Variants in PCCA observed in about 807,000 individuals in gnomAD.
PCCA encodes propionyl-CoA carboxylase subunit alpha.
A neutral mutation model predicts 101.3 loss-of-function variants in PCCA; 74 were observed. The observed-to-expected ratio is 0.73, with a 90% CI of 0.61 to 0.89. PCCA has a LOEUF of 0.89. PCCA is among the 40% of genes least tolerant of loss of function. The pLI is 0.00. For synonymous variants in PCCA, 294 were observed against 313.6 expected (o/e 0.94, Z 0.66); for missense variants, 891 against 907.0 (o/e 0.98, Z 0.23).
At chr13:100,513,879 A>G (rs1156907295) in intron 21 of PCCA, among the ~76,000 whole-genome samples, 2 of 152,120 alleles carry the variant, frequency 1.3e-5, no homozygotes, top group Non-Finnish European at 2.9e-5. Context: ...GTGATGTTGG[A>G]TTTTTTCCCC....
intron 18 of PCCA, among the ~76,000 whole-genome samples, chr13:100,348,780 C>CT (rs1476698618): frequency 6.5e-5 from 4 of 61,516 alleles, no homozygotes; most frequent in African/African-American, 1.9e-4. Flanking sequence ...TTCTTTCTTT[C>CT]TTTCTTTCTT....
chr13:100,268,662 G>A lies in PCCA; in HGVS notation c.820-27G>A, dbSNP rs764087690. 2.6e-6 allele frequency: 4 copies of A among 1,535,200 alleles called. No individual in the cohort carries two copies. In the South Asian group the frequency reaches 3.4e-5, roughly 13 times the overall value. Reference sequence around the variant, plus strand: ...TCTACTTTGTGGGTGTGGTTATATGGTTTTTCAAATGGTATTGCTCTTTCA... The same window carrying A: ...TCTACTTTGTGGGTGTGGTTATATGATTTTTCAAATGGTATTGCTCTTTCA... On this transcript the variant is annotated intron_variant, in intron 10 of 23. Coordinates refer to ENST00000376285, the MANE Select transcript of PCCA (RefSeq NM_000282.4).
chr13:100,441,228 A>G (rs1047031733), intron 20 of PCCA, among the ~76,000 whole-genome samples: 16 of 152,350 alleles, frequency 1.1e-4, no homozygotes, highest in Admixed American at 3.3e-4. Context: ...TTTGAGTAGT[A>G]TAAACACTGA....
intron 20 of PCCA, among the ~76,000 whole-genome samples, chr13:100,435,192 T>A (rs576873962): frequency 6.6e-6 from 1 of 152,186 alleles, no homozygotes; most frequent in Non-Finnish European, 1.5e-5. Flanking sequence ...CTGCTCAGCT[T>A]CTGGGGAGGG....
At chr13:100,445,800 G>A (rs1391982441) in intron 20 of PCCA, among the ~76,000 whole-genome samples, 1 of 152,036 alleles carries the variant, frequency 6.6e-6, no homozygotes, top group Non-Finnish European at 1.5e-5. Flanking sequence ...CACATTCTCT[G>A]TATCCGTTGG....
chr13:100,152,839 G>T (rs942677884), intron 4 of PCCA, among the ~76,000 whole-genome samples: 1 of 151,958 alleles, frequency 6.6e-6, no homozygotes, highest in African/African-American at 2.4e-5. Context: ...TTATATATGC[G>T]GTATCATTAC....
At chr13:100,301,417 AC>A (rs778289164) in intron 12 of PCCA, 42 bp from the exon 13 acceptor site, 30 of 1,609,496 alleles carry the variant, frequency 1.9e-5, no homozygotes, top group Non-Finnish European at 2.4e-5. Context: ...CTATTTATTT[AC>A]CCTTTTCTAC....
intron 20 of PCCA, among the ~76,000 whole-genome samples, chr13:100,435,624 A>G (rs2152907287): frequency 6.6e-6 from 1 of 152,314 alleles, no homozygotes; most frequent in South Asian, 2.1e-4. Flanking sequence ...GTATACTGTC[A>G]CTGGTAGAGG....
Position 100,394,306 on chromosome 13 carries a change from T to C in PCCA, c.1746+25732T>C, listed in dbSNP as rs1172979504. On this transcript the variant is annotated intron_variant, in intron 19 of 23. Transcript: ENST00000376285. The surrounding 1 kb of genome is among the most constrained non-coding windows in gnomAD (Gnocchi z 4.3). ...GGTTCTATGTTGTACTGCTTTTTGA[T>C]GTTGGTTTCCCTTTAACTGAGAAGA... is the stretch of plus-strand genomic sequence containing the variant. Among the ~76,000 whole-genome samples, 2 of 152,198 alleles carry C rather than the reference T, an allele frequency of 1.3e-5. No homozygotes were observed. The highest frequency in any genetic ancestry group is 2.4e-5 in the African/African-American group (1 of 41,448).
At chr13:100,133,042 C>G (rs2105130) in intron 4 of PCCA, among the ~76,000 whole-genome samples, 141,020 of 152,230 alleles carry the variant, frequency 0.93, 65,438 homozygotes, top group East Asian at 0.99. Flanking sequence ...GCCTCCCAAA[C>G]TGCTAGGATT....
At chr13:100,472,523 G>GGGGGCACACCCCTCCATGC (rs2083098665) in intron 21 of PCCA, among the ~76,000 whole-genome samples, 1 of 152,194 alleles carries the variant, frequency 6.6e-6, no homozygotes, top group African/African-American at 2.4e-5. Context: ...CCTAAGAGAA[G>GGGGGCACACCCCTCCATGC]GGGGCACACC....
At chr13:100,438,538 T>G (rs2080109208) in intron 20 of PCCA, among the ~76,000 whole-genome samples, 1 of 152,146 alleles carries the variant, frequency 6.6e-6, no homozygotes, top group Admixed American at 6.6e-5. Flanking sequence ...AAAGCAGCCT[T>G]GATCTTACCA....
chr13:100,287,786 T>C (rs1396411858), intron 12 of PCCA, among the ~76,000 whole-genome samples: 9 of 146,618 alleles, frequency 6.1e-5, no homozygotes, highest in African/African-American at 2.3e-4. Context: ...GTGAGTTCTT[T>C]ATTTTGATTT....
At chr13:100,368,885 A>G (rs1228184549) in intron 19 of PCCA, among the ~76,000 whole-genome samples, 29 of 152,220 alleles carry the variant, frequency 1.9e-4, no homozygotes, top group Admixed American at 1.8e-3. Flanking sequence ...TTCCAAATGT[A>G]TGATAGTGGT....
intron 21 of PCCA, among the ~76,000 whole-genome samples, chr13:100,458,440 TACACACACACAC>T (rs777836240): frequency 0.19 from 22,629 of 118,500 alleles, 2,192 homozygotes; most frequent in East Asian, 0.37. Context: ...CACACACACA[TACACACACACAC>T]ACACACACAC....
At chr13:100,289,148 G>C (rs1401812617) in intron 12 of PCCA, among the ~76,000 whole-genome samples, 2 of 152,100 alleles carry the variant, frequency 1.3e-5, no homozygotes, top group Non-Finnish European at 2.9e-5. Flanking sequence ...TCTTGTACAT[G>C]AGTTATGTGG....
At chr13:100,527,259 C>A (rs974493946) in intron 22 of PCCA, 5 of 471,606 alleles carry the variant, frequency 1.1e-5, no homozygotes, top group African/African-American at 1.0e-4. Flanking sequence ...AAACCCTGTA[C>A]CCTTCAGCAG....
At chr13:100,091,451 C>A (rs761058405) in intron 1 of PCCA, among the ~76,000 whole-genome samples, 1 of 152,136 alleles carries the variant, frequency 6.6e-6, no homozygotes, top group African/African-American at 2.4e-5. Context: ...TATGTTTGTG[C>A]CGGTAAAGAA....
At chr13:100,319,334 GT>G (rs1179530630) in intron 16 of PCCA, among the ~76,000 whole-genome samples, 1 of 151,920 alleles carries the variant, frequency 6.6e-6, no homozygotes, top group Non-Finnish European at 1.5e-5. Flanking sequence ...AAGCTCTTTA[GT>G]TTAATTAGAT....
Sources: allele counts gnomAD v4.1 joint callset (sites outside exome capture counted in the v4.1 genomes callset), GRCh38; gene constraint gnomAD v4.1.1; non-coding constraint Gnocchi (gnomAD v3.1); transcripts MANE v1.5; gene names NCBI Gene and HGNC (gene_info 2026-07-23, HGNC 2026-07-21).